Variants in DPP6 observed in about 807,000 individuals in gnomAD.
DPP6 encodes dipeptidyl peptidase like 6, also known as A-type potassium channel modulatory protein DPP6.
Under a neutral mutation model 122.6 loss-of-function variants are expected in DPP6, and 69 were observed. The ratio of observed to expected loss-of-function variants is 0.56; its 90% confidence interval spans 0.46 to 0.69. DPP6 has a LOEUF of 0.69. Ranked by LOEUF, DPP6 falls within the 30% of genes least tolerant of loss-of-function variation. The pLI, the probability that DPP6 is intolerant of heterozygous loss-of-function variation, is 0.00. For missense variants in DPP6, 928 were observed against 1,116.9 expected, an observed-to-expected ratio of 0.83 and a Z score of 2.41; for synonymous variants, 418 against 433.1, an observed-to-expected ratio of 0.97 and a Z score of 0.43.
At chr7:153,880,764 A>G in the DPP6 span, among the ~76,000 whole-genome samples, 8,881 of 152,296 alleles carry the variant, frequency 0.058, 343 homozygotes, top group Non-Finnish European at 0.081. Flanking sequence ...TGAACCTGAA[A>G]TACAGTCTAT....
intron 1 of DPP6, among the ~76,000 whole-genome samples, chr7:153,965,572 G>A (rs1795658946): frequency 6.6e-6 from 1 of 152,082 alleles, no homozygotes; most frequent in African/African-American, 2.4e-5. Context: ...GAGCACAGTG[G>A]CGCGATTTCA....
rs533531262 is a variant in DPP6 at position 154,866,888 on chromosome 7, T to C, written c.1715-1107T>C. ...GTTCTTGAATAAAGCCACAGCCCCA[T>C]GTTCTCCACACAAAGCCACACGTCC... On this transcript the variant is annotated intron_variant, in intron 17 of 25. Transcript: ENST00000377770. Among the ~76,000 whole-genome samples, 9 of 152,094 alleles carry C rather than the reference T, an allele frequency of 5.9e-5. No homozygotes were observed. In the East Asian group the frequency reaches 1.7e-3, roughly 29 times the overall value.
intron 1 of DPP6, among the ~76,000 whole-genome samples, chr7:153,922,224 G>C (rs541756910): frequency 3.3e-5 from 5 of 152,332 alleles, no homozygotes; most frequent in African/African-American, 1.2e-4. Flanking sequence ...TAATTGGCTG[G>C]GTGAGGTGGC....
intron 1 of DPP6, among the ~76,000 whole-genome samples, chr7:153,898,846 C>CA (rs1799520267): frequency 1.3e-5 from 2 of 152,322 alleles, no homozygotes; most frequent in South Asian, 4.2e-4. Context: ...TTTGCATAGT[C>CA]ACCTCTAAAA....
Position 154,317,267 on chromosome 7 carries a change from C to T in DPP6, c.244-128947C>T, listed in dbSNP as rs915049501. Among the ~76,000 whole-genome samples the T allele has an allele frequency of 2.6e-4, 39 of 152,006 alleles. 1 individual carries two copies. Among genetic ancestry groups the T allele is most frequent in the Non-Finnish European group, 4.3e-4 (29 of 68,002 alleles). ...ATCACAGCACTTTGGGAGGCTGAGG[C>T]GGGCGGATCATGAGGTCAGGAGATT... On this transcript the variant is annotated intron_variant, in intron 1 of 25. Transcript: ENST00000377770.
chr7:154,299,074 C>A (rs1354850085), intron 1 of DPP6, among the ~76,000 whole-genome samples: 1 of 152,238 alleles, frequency 6.6e-6, no homozygotes, highest in Non-Finnish European at 1.5e-5. Flanking sequence ...GCTTCAGGGA[C>A]TTCCTCCTCC....
chr7:154,722,845 C>T (rs898629388), intron 7 of DPP6, among the ~76,000 whole-genome samples: 1 of 152,182 alleles, frequency 6.6e-6, no homozygotes, highest in Admixed American at 6.5e-5. Flanking sequence ...AATTCAGTCA[C>T]TCACCCAATA....
In DPP6 at chr7:154,052,538, T is replaced by C. The variant is rs1585234382; in HGVS notation, c.-283T>C. On this transcript the variant is annotated 5_prime_UTR_variant, in exon 1 of 26. Transcript: ENST00000377770. This position sits in a 1 kb window ranked among gnomAD's most constrained non-coding sequence, Gnocchi z 4.8. ...GTGGCAAGGAGTTGGGGAAAAAAAT[T>C]ATAAAAACAGGAAAGAGAGAAAGCA... The C allele has an allele frequency of 2.1e-6, 2 of 949,762 alleles. No homozygotes were observed. Among genetic ancestry groups the C allele is most frequent in the Non-Finnish European group, 1.3e-6 (1 of 757,968 alleles). The allele number at this position is 949,762 out of a possible 1,614,324, so 58.8% of individuals were successfully genotyped here.
At chr7:154,297,293 T>A (rs1048660228) in intron 1 of DPP6, among the ~76,000 whole-genome samples, 1 of 152,202 alleles carries the variant, frequency 6.6e-6, no homozygotes, top group Non-Finnish European at 1.5e-5. Context: ...CTGTCACCTC[T>A]CCTGTTGTGG....
chr7:153,871,090 G>A, the DPP6 span, among the ~76,000 whole-genome samples: 21 of 152,276 alleles, frequency 1.4e-4, 1 homozygote, highest in Admixed American at 9.2e-4. Context: ...TAGGCTATTC[G>A]GGGGTCAGGA....
chr7:154,417,840 A>G (rs978582608), intron 1 of DPP6, among the ~76,000 whole-genome samples: 2 of 152,168 alleles, frequency 1.3e-5, no homozygotes, highest in African/African-American at 4.8e-5. Context: ...TCTTCAAACC[A>G]GTGCAAAAGC....
intron 1 of DPP6, among the ~76,000 whole-genome samples, chr7:154,102,158 CTG>C (rs978376940): frequency 1.3e-5 from 2 of 151,920 alleles, no homozygotes; most frequent in African/African-American, 4.8e-5. Flanking sequence ...ACACATTGTA[CTG>C]TCTCCATAAA....
intron 5 of DPP6, among the ~76,000 whole-genome samples, chr7:154,633,892 T>C (rs28685649): frequency 0.068 from 10,387 of 152,180 alleles, 1,151 homozygotes; most frequent in African/African-American, 0.23. Context: ...CTTCTATTTG[T>C]ATCAACAGTG....
intron 1 of DPP6, among the ~76,000 whole-genome samples, chr7:154,157,390 C>G (rs973589769): frequency 2.6e-5 from 4 of 152,168 alleles, no homozygotes; most frequent in African/African-American, 7.2e-5. Context: ...GGAGGAACTC[C>G]CTGAGAATGG....
intron 16 of DPP6, among the ~76,000 whole-genome samples, chr7:154,837,630 G>A (rs1049451711): frequency 1.9e-4 from 29 of 152,208 alleles, no homozygotes; most frequent in African/African-American, 7.0e-4. Flanking sequence ...TGGGCGAGGC[G>A]CTCTTCCTTG....
chr7:154,705,813 A>G (rs542913239), intron 7 of DPP6, among the ~76,000 whole-genome samples: 6 of 152,376 alleles, frequency 3.9e-5, no homozygotes, highest in African/African-American at 1.4e-4. Flanking sequence ...TAAGTCATTA[A>G]TCCAGTGAAT....
At chr7:154,466,661 T>C (rs994895291) in intron 2 of DPP6, among the ~76,000 whole-genome samples, 3 of 152,198 alleles carry the variant, frequency 2.0e-5, no homozygotes, top group African/African-American at 7.2e-5. Flanking sequence ...CCAAATAGAA[T>C]CACATTGGGG....
chr7:154,300,022 C>T (rs1805799531), intron 1 of DPP6, among the ~76,000 whole-genome samples: 2 of 152,358 alleles, frequency 1.3e-5, no homozygotes, highest in South Asian at 2.1e-4. Context: ...AAACGCCTCT[C>T]TTCAGTTGCA....
intron 1 of DPP6, among the ~76,000 whole-genome samples, chr7:154,138,360 C>T (rs1372789842): frequency 1.3e-5 from 2 of 152,150 alleles, no homozygotes; most frequent in Non-Finnish European, 1.5e-5. Flanking sequence ...ATTGAAGATG[C>T]TTTCTGGGAT....
Sources: allele counts gnomAD v4.1 joint callset (sites outside exome capture counted in the v4.1 genomes callset), GRCh38; gene constraint gnomAD v4.1.1; non-coding constraint Gnocchi (gnomAD v3.1); transcripts MANE v1.5; gene names NCBI Gene and HGNC (gene_info 2026-07-23, HGNC 2026-07-21).